Variants in FMR1 observed in about 807,000 individuals in gnomAD.
FMR1 encodes fragile X messenger ribonucleoprotein 1.
A neutral mutation model predicts 50.6 loss-of-function variants in FMR1; 13 were observed. The observed-to-expected ratio is 0.26, with a 90% CI of 0.17 to 0.41. The LOEUF is 0.41. Ranked by LOEUF, FMR1 falls within the 10% of genes least tolerant of loss-of-function variation. The pLI is 1.00. For missense variants in FMR1, 316 were observed against 491.3 expected (o/e 0.64, Z 3.37); for synonymous variants, 138 against 164.1 (o/e 0.84, Z 1.22).
rs1557182669 is a variant in FMR1 at position 147,948,805 on chromosome X, C to G, written c.1860C>G (p.Ser620Arg). The G allele has an allele frequency of 8.3e-7, 1 of 1,210,895 alleles. No homozygotes were observed. Among genetic ancestry groups the G allele is most frequent in the Admixed American group, 2.2e-5 (1 of 45,991 alleles). The stretch of plus-strand genomic sequence containing the variant: ...ACCAGAAGAAAGAGAAGCCAGACAG[C>G]GTGGATGGTCAGCAACCACTCGTGA... ...DRNQKKEKPDSVDGQQPLVNG... is the reference protein window; with the variant it reads ...DRNQKKEKPDRVDGQQPLVNG... The change falls in exon 17 of 17, where the codon AGC becomes AGG. Residue 620 changes from serine to arginine, a missense_variant. By Grantham distance (110) the Ser-to-Arg change is moderately radical. This residue lies in a region of FMR1 where 124 missense variants were observed against 160.8 expected (regional missense o/e 0.77). Coordinates refer to ENST00000370475, the MANE Select transcript of FMR1 (RefSeq NM_002024.6).
At chrX:147,927,783 G>A (rs1308335701) in intron 3 of FMR1, 2 of 112,542 alleles carry the variant, frequency 1.8e-5, no homozygotes, top group African/African-American at 6.6e-5. Context: ...TTTTAGTGGA[G>A]AGGAAGCAGG....
At position 147,950,004 on chromosome X, in the gene FMR1, C is replaced by T. The variant is rs1557183204; in HGVS notation, c.*1160C>T. 3.2e-6 allele frequency: 1 copy of T among 316,142 alleles called. No individual in the cohort carries two copies. The highest frequency in any genetic ancestry group is 3.4e-5 in the Admixed American group (1 of 29,219). The allele number at this position is 316,142 out of a possible 1,213,427, so 26.1% of individuals were successfully genotyped here. On this transcript the variant is annotated 3_prime_UTR_variant, in exon 17 of 17. Coordinates refer to ENST00000370475, the MANE Select transcript of FMR1 (RefSeq NM_002024.6). ...AAGCAGAATTGGAAAAGACTAAGAT[C>T]GGTTAACAAATAACAACTTTTTTTT...
At chrX:147,943,355 T>A (rs1557181307) in intron 14 of FMR1, 29 bp downstream of exon 14, 2 of 1,123,096 alleles carry the variant, frequency 1.8e-6, no homozygotes, top group Admixed American at 4.4e-5. Flanking sequence ...ACTCAGTAAC[T>A]TTATCTGTTC....
rs373909157 is a variant in FMR1, at chrX:147,912,925, T to C, written c.51+695T>C. Reference sequence around the variant, plus strand: ...AGCAGTGCATTGAAGAAGTTGATCATCGTGAATATTCGCGTCCCCCTTTTT... The same window carrying C: ...AGCAGTGCATTGAAGAAGTTGATCACCGTGAATATTCGCGTCCCCCTTTTT... On this transcript the variant is annotated intron_variant, in intron 1 of 16. Coordinates refer to ENST00000370475, the MANE Select transcript of FMR1 (RefSeq NM_002024.6). 6 of 284,237 alleles carry C rather than the reference T, an allele frequency of 2.1e-5. No homozygotes were observed. In the East Asian group the frequency reaches 3.0e-4, roughly 14 times the overall value. The allele number at this position is 284,237 out of a possible 1,213,427, so 23.4% of individuals were successfully genotyped here. A position where few individuals can be genotyped will look rare whatever the true frequency, so the allele number is the denominator to read the frequency against.
rs1328761100 is a variant in FMR1 at position 147,949,019 on chromosome X, C to A, written c.*175C>A. On this transcript the variant is annotated 3_prime_UTR_variant, in exon 17 of 17. Transcript: ENST00000370475. ...GGTATTGGCCATAAGCAACAATTTT[C>A]AGATTTGCACAAAAAGATACCTTAA... 2 of 524,957 alleles carry A rather than the reference C, an allele frequency of 3.8e-6. No individual in the cohort carries two copies. Among genetic ancestry groups the A allele is most frequent in the African/African-American group, 4.6e-5 (2 of 43,347 alleles). The allele number at this position is 524,957 out of a possible 1,213,427, so 43.3% of individuals were successfully genotyped here. A position where few individuals can be genotyped will look rare whatever the true frequency, so the allele number is the denominator to read the frequency against.
chrX:147,944,062 G>A (rs782721527), intron 14 of FMR1: 1 of 469,159 alleles, frequency 2.1e-6, no homozygotes, highest in East Asian at 1.9e-4. Context: ...AACAGAGGAA[G>A]AGAGAGGTAG....
rs1313777286 is a variant in FMR1, at chrX:147,920,179, A to AT, written c.52-1745dup. 7.7e-4 allele frequency among the ~76,000 whole-genome samples: 86 copies of AT among 111,128 alleles called. 1 individual carries two copies. The highest frequency in any genetic ancestry group is 1.3e-3 in the Admixed American group (14 of 10,481). On this transcript the variant is annotated intron_variant, in intron 1 of 16. Coordinates refer to ENST00000370475, the MANE Select transcript of FMR1 (RefSeq NM_002024.6). Reference sequence around the variant, plus strand: ...TTAGGTCTTTGATGCATATTCATTGATTTTTTTTTGTATGCAGTATGAGGT... The same window carrying AT: ...TTAGGTCTTTGATGCATATTCATTGATTTTTTTTTTGTATGCAGTATGAGGT...
rs1223768412 is a variant in FMR1 at position 147,944,211 on chromosome X, C to T, written c.1472-658C>T. The T allele has an allele frequency of 1.1e-5, 8 of 749,347 alleles. No homozygotes were observed. The African/African-American group carries it at 1.4e-4, about 13-fold the overall frequency. 61.8% of individuals were successfully genotyped at this position (749,347 alleles called of 1,213,427 possible). A position where few individuals can be genotyped will look rare whatever the true frequency, so the allele number is the denominator to read the frequency against. Reference sequence around the variant, plus strand: ...CACCGTGGAGCTCTTTTTCTCCGCTCCTGTCCTCTAAGTCGTTAACCCCTT... The same window carrying T: ...CACCGTGGAGCTCTTTTTCTCCGCTTCTGTCCTCTAAGTCGTTAACCCCTT... On this transcript the variant is annotated intron_variant, in intron 14 of 16. Coordinates refer to ENST00000370475, the MANE Select transcript of FMR1 (RefSeq NM_002024.6).
chrX:147,941,968 T>C (rs1224078931), intron 13 of FMR1, among the ~76,000 whole-genome samples: 2 of 112,887 alleles, frequency 1.8e-5, no homozygotes, highest in African/African-American at 6.4e-5. Flanking sequence ...ACTACTCTTC[T>C]GTTTTGCAAG....
rs1557183064 is a variant in FMR1 at position 147,949,741 on chromosome X, G to C, written c.*897G>C. ...AAATCTTCCTGGTCGAAAGTTAGTA[G>C]GATATGCCTGCTCTTTGGCCTGATG... is the stretch of plus-strand genomic sequence containing the variant. On this transcript the variant is annotated 3_prime_UTR_variant, in exon 17 of 17. Coordinates refer to ENST00000370475, the MANE Select transcript of FMR1 (RefSeq NM_002024.6). The C allele has an allele frequency of 6.1e-6, 2 of 326,768 alleles. No individual in the cohort carries two copies. The highest frequency in any genetic ancestry group is 1.2e-5 in the Non-Finnish European group (2 of 169,392). The allele number at this position is 326,768 out of a possible 1,213,427, so 26.9% of individuals were successfully genotyped here.
At position 147,912,051 on chromosome X, in the gene FMR1, C is replaced by CGGCGGCGGCGGCGGCGGCGGCTGCGGA. The variant is rs1931610416; in HGVS notation, c.-108_-107insTGCGGAGGCGGCGGCGGCGGCGGCGGC. 5 of 73,547 alleles carry CGGCGGCGGCGGCGGCGGCGGCTGCGGA rather than the reference C, an allele frequency of 6.8e-5. No individual in the cohort carries two copies. Among genetic ancestry groups the CGGCGGCGGCGGCGGCGGCGGCTGCGGA allele is most frequent in the Non-Finnish European group, 1.3e-4 (5 of 38,796 alleles). 6.1% of individuals were successfully genotyped at this position (73,547 alleles called of 1,213,427 possible). On this transcript the variant is annotated 5_prime_UTR_variant, in exon 1 of 17. Coordinates refer to ENST00000370475, the MANE Select transcript of FMR1 (RefSeq NM_002024.6). Reference sequence around the variant, plus strand: ...CGCTGCCAGGGGGCGTGCGGCAGCGCGGCGGCGGCGGCGGCGGCGGCGGCG... The same window carrying CGGCGGCGGCGGCGGCGGCGGCTGCGGA: ...CGCTGCCAGGGGGCGTGCGGCAGCGCGGCGGCGGCGGCGGCGGCGGCTGCGGAGGCGGCGGCGGCGGCGGCGGCGGCG...
At chrX:147,924,469 GT>G (rs2043309812) in intron 2 of FMR1, among the ~76,000 whole-genome samples, 1 of 35,414 alleles carries the variant, frequency 2.8e-5, no homozygotes, top group Non-Finnish European at 4.3e-5. Flanking sequence ...TATTTTATTT[GT>G]GTGTGTGTGT....
intron 1 of FMR1, among the ~76,000 whole-genome samples, chrX:147,916,312 T>C (rs1279494356): frequency 8.9e-6 from 1 of 112,421 alleles, no homozygotes; most frequent in Admixed American, 9.4e-5. Context: ...TAAATGTGTT[T>C]TTCACATAAT....
chrX:147,946,352 A>G (rs1413822289), intron 16 of FMR1, among the ~76,000 whole-genome samples: 1 of 112,347 alleles, frequency 8.9e-6, no homozygotes, highest in Non-Finnish European at 1.9e-5. Flanking sequence ...CTTACAACTA[A>G]TAATCATGAT....
intron 13 of FMR1, among the ~76,000 whole-genome samples, chrX:147,940,901 T>G (rs1401742539): frequency 1.8e-5 from 2 of 112,059 alleles, no homozygotes; most frequent in Non-Finnish European, 3.8e-5. Context: ...TTTATTCTTC[T>G]CTTAAACCCT....
intron 3 of FMR1, among the ~76,000 whole-genome samples, chrX:147,925,967 A>G (rs916807702): frequency 8.9e-6 from 1 of 112,196 alleles, no homozygotes; most frequent in Non-Finnish European, 1.9e-5. Flanking sequence ...TGTAAGCAAA[A>G]TGGATTATGA....
chrX:147,916,715 G>A (rs1398799145), intron 1 of FMR1, among the ~76,000 whole-genome samples: 1 of 104,612 alleles, frequency 9.6e-6, no homozygotes, highest in Non-Finnish European at 2.0e-5. Context: ...TCTTTGGTTT[G>A]TTTCTTTGTT....
chrX:147,921,386 A>G (rs976406126), intron 1 of FMR1, among the ~76,000 whole-genome samples: 8 of 110,790 alleles, frequency 7.2e-5, no homozygotes, highest in African/African-American at 2.3e-4. Flanking sequence ...ACTTAATTCA[A>G]CTCTAGTAAC....
At chrX:147,946,079 G>C (rs951176901) in intron 16 of FMR1, among the ~76,000 whole-genome samples, 38 of 111,163 alleles carry the variant, frequency 3.4e-4, no homozygotes, top group Non-Finnish European at 6.4e-4. Context: ...GTTTCACCAT[G>C]TTGGTCAGGC....
Sources: gnomAD v4.1 joint callset for allele counts (sites outside exome capture counted in the v4.1 genomes callset) on GRCh38, gnomAD v4.1.1 for gene constraint, gnomAD v4.1.1 regional missense constraint, MANE v1.5 for transcripts, NCBI Gene and HGNC (gene_info 2026-07-23, HGNC 2026-07-21) for gene names.